Variants in SLC25A13 observed in about 807,000 individuals in gnomAD.
The protein encoded by SLC25A13 is electrogenic aspartate/glutamate antiporter SLC25A13, mitochondrial.
SLC25A13 carries 70 observed loss-of-function variants against 85.5 expected under a neutral mutation model. The observed-to-expected ratio is 0.82, with a 90% confidence interval of 0.68 to 1.00. The LOEUF (loss-of-function observed/expected upper bound fraction) is 1.00, where lower values mean the gene tolerates loss of function less well. Among genes scored for constraint, SLC25A13 ranks in the 50% least tolerant of loss-of-function variants. The pLI is 0.00. For missense variants in SLC25A13, 765 were observed against 819.8 expected, an observed-to-expected ratio of 0.93 and a Z score of 0.82; for synonymous variants, 259 against 288.7, an observed-to-expected ratio of 0.90 and a Z score of 1.04.
intron 5 of SLC25A13, among the ~76,000 whole-genome samples, chr7:96,200,766 G>T (rs73710212): frequency 0.036 from 5,448 of 152,188 alleles, 330 homozygotes; most frequent in African/African-American, 0.13. Context: ...GTAACAGCTG[G>T]GGAGATGCTG....
chr7:96,201,664 C>A (rs1192351530), intron 5 of SLC25A13, among the ~76,000 whole-genome samples: 1 of 152,120 alleles, frequency 6.6e-6, no homozygotes, highest in Non-Finnish European at 1.5e-5. Flanking sequence ...TAAAGAATTA[C>A]GGCTTCAGCC....
Position 96,298,640 on chromosome 7 carries a change from C to A in SLC25A13, c.16-1689G>T, listed in dbSNP as rs1056430492. 1.3e-4 allele frequency among the ~76,000 whole-genome samples: 20 copies of A among 152,208 alleles called. 1 individual carries two copies. The highest frequency in any genetic ancestry group is 4.3e-4 in the African/African-American group (18 of 41,534). On this transcript the variant is annotated intron_variant, in intron 1 of 17. Transcript: ENST00000265631. ...TACAGATGGGGTTTTACCATGTTGG[C>A]CAGGCTGGTCTCCAACTCGTGACCT...
intron 3 of SLC25A13, among the ~76,000 whole-genome samples, chr7:96,251,125 G>A (rs756300356): frequency 6.6e-6 from 1 of 152,136 alleles, no homozygotes; most frequent in Non-Finnish European, 1.5e-5. Context: ...GGAAGTGAGT[G>A]AGATTCTTAG....
chr7:96,221,248 C>A (rs551787020), intron 4 of SLC25A13, among the ~76,000 whole-genome samples: 1 of 152,288 alleles, frequency 6.6e-6, no homozygotes, highest in Admixed American at 6.5e-5. Context: ...CCCAGGCATG[C>A]CACAATTCTT....
intron 6 of SLC25A13, among the ~76,000 whole-genome samples, chr7:96,192,682 CTATT>C (rs1562831170): frequency 3.5e-5 from 2 of 56,662 alleles, no homozygotes; most frequent in Admixed American, 2.7e-4. Flanking sequence ...TACATGTGCA[CTATT>C]TTTTTTTTTT....
At chr7:96,283,632 C>A (rs1798768838) in intron 2 of SLC25A13, 1 of 303,926 alleles carries the variant, frequency 3.3e-6, no homozygotes. Context: ...AATGTGTGTG[C>A]TGGGCACATT....
chr7:96,257,473 G>C (rs1427597120), intron 3 of SLC25A13, among the ~76,000 whole-genome samples: 1 of 152,166 alleles, frequency 6.6e-6, no homozygotes, highest in Non-Finnish European at 1.5e-5. Flanking sequence ...AGAAGAAATG[G>C]ATAAATTCCT....
chr7:96,238,788 T>C (rs1275577387), intron 3 of SLC25A13, among the ~76,000 whole-genome samples: 1 of 151,924 alleles, frequency 6.6e-6, no homozygotes, highest in Non-Finnish European at 1.5e-5. Context: ...TGCTGGCAGT[T>C]TGTTGAGGCC....
At chr7:96,227,537 G>C (rs1796367401) in intron 4 of SLC25A13, among the ~76,000 whole-genome samples, 1 of 152,128 alleles carries the variant, frequency 6.6e-6, no homozygotes, top group African/African-American at 2.4e-5. Flanking sequence ...GACTTATAAA[G>C]CTGTAGTAAT....
chr7:96,255,764 C>CCTA (rs1797609962), intron 3 of SLC25A13, among the ~76,000 whole-genome samples: 1 of 152,052 alleles, frequency 6.6e-6, no homozygotes, highest in Non-Finnish European at 1.5e-5. Context: ...AGGAAACATA[C>CCTA]CTAATCCCCA....
At chr7:96,191,478 C>G (rs1028272401) in intron 6 of SLC25A13, among the ~76,000 whole-genome samples, 6 of 151,998 alleles carry the variant, frequency 3.9e-5, no homozygotes, top group African/African-American at 1.5e-4. Context: ...TCCTAGAAAA[C>G]TAAATAAATA....
intron 13 of SLC25A13, among the ~76,000 whole-genome samples, chr7:96,168,912 G>A (rs942590112): frequency 2.0e-5 from 3 of 152,088 alleles, no homozygotes; most frequent in Non-Finnish European, 4.4e-5. Flanking sequence ...AGTAGTTATG[G>A]GGAAGAGCAA....
intron 2 of SLC25A13, among the ~76,000 whole-genome samples, chr7:96,287,342 C>A (rs1177498100): frequency 6.6e-6 from 1 of 152,224 alleles, no homozygotes; most frequent in African/African-American, 2.4e-5. Context: ...CTGACGTCAT[C>A]TCTTAGGACT....
At chr7:96,164,114 C>G (rs1306478768) in intron 13 of SLC25A13, among the ~76,000 whole-genome samples, 2 of 152,218 alleles carry the variant, frequency 1.3e-5, no homozygotes, top group South Asian at 2.1e-4. Flanking sequence ...CTGAATCCGG[C>G]TGGCCTATAA....
intron 5 of SLC25A13, among the ~76,000 whole-genome samples, chr7:96,207,625 C>A (rs754057475): frequency 6.6e-6 from 1 of 152,104 alleles, no homozygotes; most frequent in Non-Finnish European, 1.5e-5. Flanking sequence ...AAAGCAAATG[C>A]ATAAACATCT....
At chr7:96,272,522 T>C (rs1356971015) in intron 3 of SLC25A13, among the ~76,000 whole-genome samples, 2 of 152,152 alleles carry the variant, frequency 1.3e-5, no homozygotes, top group Non-Finnish European at 2.9e-5. Context: ...CAGAGCTTCT[T>C]GTTGGGGGGA....
At chr7:96,275,933 G>A (rs1442701169) in intron 3 of SLC25A13, among the ~76,000 whole-genome samples, 5 of 152,184 alleles carry the variant, frequency 3.3e-5, no homozygotes, top group African/African-American at 1.2e-4. Context: ...GAAAGTGCTA[G>A]TGAAAACTGA....
chr7:96,163,699 A>G (rs1162370121), intron 13 of SLC25A13, among the ~76,000 whole-genome samples: 1 of 152,194 alleles, frequency 6.6e-6, no homozygotes, highest in Non-Finnish European at 1.5e-5. Context: ...TAGAATAAAG[A>G]TGCTATGTTA....
chr7:96,283,657 C>A, intron 2 of SLC25A13: 1 of 291,808 alleles, frequency 3.4e-6, no homozygotes, highest in South Asian at 3.5e-5. Context: ...ACTCTAAGAG[C>A]TGAGATAGCT....
Sources: gnomAD v4.1 joint callset for allele counts (sites outside exome capture counted in the v4.1 genomes callset) on GRCh38, gnomAD v4.1.1 for gene constraint, MANE v1.5 for transcripts, NCBI Gene and HGNC (gene_info 2026-07-23, HGNC 2026-07-21) for gene names.